TLL1: variants seen among roughly 807,000 people sequenced by gnomAD.
TLL1 encodes the protein tolloid-like protein 1.
In TLL1, 49 loss-of-function variants were observed where a neutral mutation model predicts 128.2. The ratio of observed to expected loss-of-function variants is 0.38; its 90% CI spans 0.30 to 0.48. TLL1 has a LOEUF of 0.48. Among genes scored for constraint, TLL1 ranks in the 20% least tolerant of loss-of-function variants. TLL1 has a pLI of 0.96. For missense variants in TLL1, 1,123 were observed against 1,242.0 expected (o/e 0.90, Z 1.44); for synonymous variants, 454 against 418.8 (o/e 1.08, Z -1.03).
intron 8 of TLL1, among the ~76,000 whole-genome samples, chr4:166,023,960 A>G (rs1315053564): frequency 6.6e-6 from 1 of 152,112 alleles, no homozygotes; most frequent in Admixed American, 6.6e-5. Flanking sequence ...ATCATTGTTT[A>G]GCATTTAACT....
chr4:166,060,276 T>A (rs1579689790), intron 15 of TLL1, 88 bp downstream of exon 15: 17 of 1,325,626 alleles, frequency 1.3e-5, no homozygotes, highest in Non-Finnish European at 1.6e-5. Context: ...AAAGATGTAG[T>A]AAAATAGTAT....
Position 165,873,809 on chromosome 4 carries a change from A to G in TLL1, c.-96A>G. 2 of 1,420,564 alleles carry G rather than the reference A, an allele frequency of 1.4e-6. No individual in the cohort carries two copies. The highest frequency in any genetic ancestry group is 1.7e-5 in the Admixed American group (1 of 57,168). The allele number at this position is 1,420,564 out of a possible 1,614,324, so 88.0% of individuals were successfully genotyped here. A position where few individuals can be genotyped will look rare whatever the true frequency, so the allele number is the denominator to read the frequency against. ...CCCGCCGAGGAGCCTCCGGGTGGGG[A>G]GAAGAGCACCGGTGCCCCTAGCCCC... On this transcript the variant is annotated 5_prime_UTR_variant, in exon 1 of 21. Coordinates refer to ENST00000061240, the MANE Select transcript of TLL1 (RefSeq NM_012464.5).
rs1361500461 is a variant in TLL1, at chr4:165,986,111, C to A, written c.170-3270C>A. ...ATACTTTAAGACTGTTTATCTCCAA[C>A]TTTGTTTTTTGAGGTAAAATAAATA... On this transcript the variant is annotated intron_variant, in intron 1 of 20. Transcript: ENST00000061240. Among the ~76,000 whole-genome samples, 8 of 151,886 alleles carry A rather than the reference C, an allele frequency of 5.3e-5. No homozygotes were observed. The East Asian group carries it at 1.4e-3, about 26-fold the overall frequency.
intron 1 of TLL1, among the ~76,000 whole-genome samples, chr4:165,963,046 C>A (rs1203432552): frequency 1.8e-5 from 2 of 109,144 alleles, no homozygotes; most frequent in East Asian, 2.7e-4. Flanking sequence ...CAGAGCGAGG[C>A]TCTGTCTCAA....
intron 1 of TLL1, among the ~76,000 whole-genome samples, chr4:165,917,479 A>G (rs1732837005): frequency 6.6e-6 from 1 of 152,140 alleles, no homozygotes; most frequent in Non-Finnish European, 1.5e-5. Flanking sequence ...AGTATTTAAT[A>G]GGTATCAGGT....
intron 17 of TLL1, among the ~76,000 whole-genome samples, chr4:166,076,187 T>C (rs897884425): frequency 3.3e-5 from 5 of 152,016 alleles, no homozygotes; most frequent in African/African-American, 1.2e-4. Flanking sequence ...ATTCTCCCAC[T>C]TCAGCCTCCA....
At chr4:166,098,217 G>A (rs1297005730) in intron 19 of TLL1, among the ~76,000 whole-genome samples, 1 of 151,262 alleles carries the variant, frequency 6.6e-6, no homozygotes, top group African/African-American at 2.4e-5. Context: ...CGCCTGTAGT[G>A]CCAGTTACTT....
intron 9 of TLL1, among the ~76,000 whole-genome samples, chr4:166,037,031 CTGTT>C (rs1739036702): frequency 6.6e-6 from 1 of 152,056 alleles, no homozygotes; most frequent in African/African-American, 2.4e-5. Flanking sequence ...GGGGGAGTCT[CTGTT>C]TGTGTCTATA....
chr4:166,098,782 T>C (rs756688634), intron 19 of TLL1, among the ~76,000 whole-genome samples: 22 of 151,316 alleles, frequency 1.5e-4, no homozygotes, highest in Non-Finnish European at 2.5e-4. Context: ...AGTTACTTCT[T>C]ACTTCTTTGC....
intron 5 of TLL1, among the ~76,000 whole-genome samples, chr4:165,995,979 A>G (rs1234709730): frequency 6.6e-6 from 1 of 151,894 alleles, no homozygotes; most frequent in Non-Finnish European, 1.5e-5. Flanking sequence ...TTTTTTAATA[A>G]TCTCCCATTT....
At chr4:165,905,648 C>T (rs767241467) in intron 1 of TLL1, among the ~76,000 whole-genome samples, 1 of 152,150 alleles carries the variant, frequency 6.6e-6, no homozygotes. Flanking sequence ...CTTGCACCTC[C>T]TCCCTGGAAT....
In TLL1 at chr4:165,923,421, C is replaced by CTTTTTTTTTTTTTTTT. The variant is rs758162016; in HGVS notation, c.169+49358_169+49373dup. ...AAGTGCATCGGAAATATAGGTATAC[C>CTTTTTTTTTTTTTTTT]TTTTTTTTTTTTTTTTTTTTTTTTT... On this transcript the variant is annotated intron_variant, in intron 1 of 20. Coordinates refer to ENST00000061240, the MANE Select transcript of TLL1 (RefSeq NM_012464.5). Among the ~76,000 whole-genome samples, 212 of 70,850 alleles carry CTTTTTTTTTTTTTTTT rather than the reference C, an allele frequency of 3.0e-3. 41 individuals are homozygous for CTTTTTTTTTTTTTTTT. The highest frequency in any genetic ancestry group is 0.015 in the East Asian group (18 of 1,236). 46.5% of individuals were successfully genotyped at this position (70,850 alleles called of 152,430 possible).
At chr4:166,015,400 C>T (rs1737889805) in intron 8 of TLL1, among the ~76,000 whole-genome samples, 1 of 151,926 alleles carries the variant, frequency 6.6e-6, no homozygotes, top group South Asian at 2.1e-4. Flanking sequence ...TTTTAATTGG[C>T]TGCAAATCTG....
chr4:165,898,245 G>A (rs1731780644), intron 1 of TLL1, among the ~76,000 whole-genome samples: 1 of 152,096 alleles, frequency 6.6e-6, no homozygotes, highest in Non-Finnish European at 1.5e-5. Flanking sequence ...TGATTGCCCT[G>A]GCCAGAATTT....
chr4:166,005,612 C>T (rs570997375), intron 6 of TLL1, among the ~76,000 whole-genome samples: 60 of 151,696 alleles, frequency 4.0e-4, no homozygotes, highest in Non-Finnish European at 2.7e-4. Flanking sequence ...ATGAATGAGC[C>T]GACTATCAAG....
intron 18 of TLL1, among the ~76,000 whole-genome samples, chr4:166,085,204 A>C (rs1217248456): frequency 6.7e-6 from 1 of 148,796 alleles, no homozygotes; most frequent in Non-Finnish European, 1.5e-5. Context: ...TTTTCTCCGC[A>C]TGAGATTGTG....
chr4:166,039,340 T>A lies in TLL1; in HGVS notation c.1160T>A (p.Ile387Asn). 1 of 1,610,960 alleles carries A rather than the reference T, an allele frequency of 6.2e-7. No homozygotes were observed. The highest frequency in any genetic ancestry group is 8.5e-7 in the Non-Finnish European group (1 of 1,177,392). The change falls in exon 10 of 21, where the codon ATT (isoleucine) becomes AAT (asparagine). Residue 387 changes from isoleucine (I) to asparagine (N), a missense_variant and splice_region_variant. Around this residue, in one of 3 missense-constraint regions of TLL1, gnomAD observed 480 missense variants for 542.4 expected, o/e 0.89. Coordinates refer to ENST00000061240, the MANE Select transcript of TLL1 (RefSeq NM_012464.5). ...GGGTTGCTTACCTCCATTTTGCAGA[T>A]TGTTTTAAATTTTACAACGATGGAT... ...WRVSVTPGEKIVLNFTTMDLY... is the reference protein window; with the variant it reads ...WRVSVTPGEKNVLNFTTMDLY...
At chr4:165,899,135 G>A (rs1013575636) in intron 1 of TLL1, among the ~76,000 whole-genome samples, 1 of 138,582 alleles carries the variant, frequency 7.2e-6, no homozygotes, top group African/African-American at 2.4e-5. Context: ...TCTGGCTAGT[G>A]GTCTATCTAT....
intron 8 of TLL1, among the ~76,000 whole-genome samples, chr4:166,024,515 T>G (rs1738399800): frequency 6.6e-6 from 1 of 152,118 alleles, no homozygotes; most frequent in Admixed American, 6.5e-5. Flanking sequence ...ACAGCCTAGG[T>G]TCATGGCACA....
Sources: gnomAD v4.1 joint callset for allele counts (sites outside exome capture counted in the v4.1 genomes callset) on GRCh38, gnomAD v4.1.1 for gene constraint, gnomAD v4.1.1 regional missense constraint, MANE v1.5 for transcripts, NCBI Gene and HGNC (gene_info 2026-07-23, HGNC 2026-07-21) for gene names.